The following MAGI2 variants were observed in gnomAD, a reference collection of about 807,000 sequenced individuals.
The protein encoded by MAGI2 is membrane-associated guanylate kinase, WW and PDZ domain-containing protein 2.
Under a neutral mutation model 133.3 loss-of-function variants are expected in MAGI2, and 35 were observed. That is an observed-to-expected ratio of 0.26 (90% CI 0.20 to 0.35). MAGI2 has a LOEUF of 0.35. MAGI2 is among the 10% of genes least tolerant of loss of function. The probability of loss-of-function intolerance (pLI) is 1.00; values close to 1 mark genes in which losing one functional copy is unlikely to be tolerated. For synonymous variants in MAGI2, 729 were observed against 710.6 expected, an observed-to-expected ratio of 1.03 and a Z score of -0.41; for missense variants, 1,636 against 1,863.4, an observed-to-expected ratio of 0.88 and a Z score of 2.25.
At chr7:78,527,245 C>T (rs1379448885) in intron 3 of MAGI2, among the ~76,000 whole-genome samples, 1 of 152,094 alleles carries the variant, frequency 6.6e-6, no homozygotes, top group Non-Finnish European at 1.5e-5. Context: ...CATTTTTAGG[C>T]AGACCTGTCC....
At chr7:78,204,289 C>T (rs1829532433) in intron 10 of MAGI2, among the ~76,000 whole-genome samples, 1 of 152,170 alleles carries the variant, frequency 6.6e-6, no homozygotes, top group African/African-American at 2.4e-5. Context: ...TTCCCCTCAT[C>T]ACCCAGAAAC....
At chr7:78,756,428 A>AT (rs570104184) in intron 2 of MAGI2, among the ~76,000 whole-genome samples, 89 of 151,568 alleles carry the variant, frequency 5.9e-4, no homozygotes, top group African/African-American at 1.1e-3. Flanking sequence ...ATATTTAGTT[A>AT]TTTTTTTTTC....
chr7:79,066,159 T>C (rs373531073), intron 1 of MAGI2, among the ~76,000 whole-genome samples: 1 of 152,190 alleles, frequency 6.6e-6, no homozygotes, highest in Non-Finnish European at 1.5e-5. Flanking sequence ...ATGGTTGAAC[T>C]AATTTACACT....
At chr7:78,709,443 A>G (rs574560438) in intron 2 of MAGI2, among the ~76,000 whole-genome samples, 4 of 152,136 alleles carry the variant, frequency 2.6e-5, no homozygotes, top group South Asian at 2.1e-4. Flanking sequence ...CTGTGATTTC[A>G]TCTTTGGTAG....
chr7:78,875,590 CAAAG>C (rs1290618531), intron 2 of MAGI2, among the ~76,000 whole-genome samples: 2 of 151,976 alleles, frequency 1.3e-5, no homozygotes, highest in African/African-American at 4.8e-5. Context: ...TCAGAACAAA[CAAAG>C]AAACAAATAA....
chr7:78,590,584 A>G lies in MAGI2; in HGVS notation c.538+36536T>C, dbSNP rs146156408. On this transcript the variant is annotated intron_variant, in intron 3 of 21. Coordinates refer to ENST00000354212, the MANE Select transcript of MAGI2 (RefSeq NM_012301.4). Reference sequence around the variant, plus strand: ...AGTACACCTAAAAATCAATGCTCCTATTGCTTATCATGGTTGGTTTTCCTT... The same window carrying G: ...AGTACACCTAAAAATCAATGCTCCTGTTGCTTATCATGGTTGGTTTTCCTT... Among the ~76,000 whole-genome samples, 299 of 152,350 alleles carry G rather than the reference A, an allele frequency of 2.0e-3. 1 individual carries two copies. Among genetic ancestry groups the G allele is most frequent in the Middle Eastern group, 0.014 (4 of 294 alleles).
At chr7:78,126,477 G>GATAT (rs1820994771) in intron 19 of MAGI2, among the ~76,000 whole-genome samples, 2 of 152,082 alleles carry the variant, frequency 1.3e-5, no homozygotes, top group Non-Finnish European at 2.9e-5. Flanking sequence ...TTTATATCTT[G>GATAT]GTATGTAGTT....
intron 2 of MAGI2, among the ~76,000 whole-genome samples, chr7:78,904,637 G>A (rs2151600409): frequency 6.6e-6 from 1 of 150,926 alleles, no homozygotes; most frequent in Non-Finnish European, 1.5e-5. Flanking sequence ...ACTACACCTG[G>A]GACTACAGAC....
chr7:78,017,334 C>T lies in MAGI2; in HGVS notation c.*1981G>A, dbSNP rs1348396005. On this transcript the variant is annotated 3_prime_UTR_variant, in exon 22 of 22. Transcript: ENST00000354212. ...GTCTTCACAGGTTATGGATTACAGC[C>T]GCATAAAGCAATTACTGCACAAGTA... is the stretch of plus-strand genomic sequence containing the variant. 1 of 152,592 alleles carries T rather than the reference C, an allele frequency of 6.6e-6. No homozygotes were observed. The highest frequency in any genetic ancestry group is 2.4e-5 in the African/African-American group (1 of 41,436). The allele number at this position is 152,592 out of a possible 1,614,324, so 9.5% of individuals were successfully genotyped here.
chr7:78,847,670 C>T (rs370870361), intron 2 of MAGI2, among the ~76,000 whole-genome samples: 89 of 152,106 alleles, frequency 5.9e-4, no homozygotes, highest in African/African-American at 2.0e-3. Context: ...TATCTGTGAT[C>T]TTATCTATCT....
At chr7:78,259,033 G>A (rs944659872) in intron 9 of MAGI2, among the ~76,000 whole-genome samples, 4 of 152,098 alleles carry the variant, frequency 2.6e-5, no homozygotes, top group African/African-American at 9.7e-5. Flanking sequence ...ATCTGACACA[G>A]TACTTCGTAT....
intron 6 of MAGI2, among the ~76,000 whole-genome samples, chr7:78,445,391 T>C (rs1788032275): frequency 6.6e-6 from 1 of 152,122 alleles, no homozygotes. Context: ...GATCCATCTT[T>C]TGGCTGGCTG....
chr7:79,386,513 CTTAG>C (rs922522199), intron 1 of MAGI2, among the ~76,000 whole-genome samples: 3 of 151,934 alleles, frequency 2.0e-5, no homozygotes, highest in Non-Finnish European at 2.9e-5. Context: ...AATATTGATA[CTTAG>C]TTACTCTTCT....
intron 3 of MAGI2, among the ~76,000 whole-genome samples, chr7:78,607,973 C>T (rs1806006013): frequency 6.6e-6 from 1 of 152,176 alleles, no homozygotes; most frequent in African/African-American, 2.4e-5. Flanking sequence ...TAAAACAGTT[C>T]CATGTTGGCT....
rs1055419639 is a variant in MAGI2, at chr7:78,480,094, A to G, written c.1045+9667T>C. ...GTTTCTAATTCACCAACTTGGAAGC[A>G]ATGAACCAATTCCTATAAAACTATA... On this transcript the variant is annotated intron_variant, in intron 6 of 21. Transcript: ENST00000354212. Among the ~76,000 whole-genome samples, 6 of 152,058 alleles carry G rather than the reference A, an allele frequency of 3.9e-5. No homozygotes were observed. In the South Asian group the frequency reaches 8.3e-4, roughly 21 times the overall value.
At chr7:78,546,021 A>T (rs1458394262) in intron 3 of MAGI2, among the ~76,000 whole-genome samples, 1 of 152,202 alleles carries the variant, frequency 6.6e-6, no homozygotes, top group South Asian at 2.1e-4. Context: ...CCCTATTCAA[A>T]TTATCTAAAA....
intron 1 of MAGI2, among the ~76,000 whole-genome samples, chr7:79,109,038 C>G (rs777923512): frequency 6.6e-6 from 1 of 152,186 alleles, no homozygotes; most frequent in Non-Finnish European, 1.5e-5. Context: ...CCTGCAGAAC[C>G]ATGAGCCAAT....
At chr7:79,038,952 T>C (rs1390520753) in intron 1 of MAGI2, among the ~76,000 whole-genome samples, 1 of 152,330 alleles carries the variant, frequency 6.6e-6, no homozygotes, top group East Asian at 1.9e-4. Flanking sequence ...TATAAACAAT[T>C]TACTCCATTA....
At position 78,019,151 on chromosome 7, in the gene MAGI2, C is replaced by T. The variant is rs140181408; in HGVS notation, c.*164G>A. ...TTAGGTCTGCGCGTTGATGCGATGC[C>T]GCCCAAGCACACCGGACACGTGGGA... On this transcript the variant is annotated 3_prime_UTR_variant, in exon 22 of 22. Transcript: ENST00000354212. 3 of 795,952 alleles carry T rather than the reference C, an allele frequency of 3.8e-6. No homozygotes were observed. Among genetic ancestry groups the T allele is most frequent in the Non-Finnish European group, 1.9e-6 (1 of 515,064 alleles). 49.3% of individuals were successfully genotyped at this position (795,952 alleles called of 1,614,324 possible).
Sources: gnomAD v4.1 joint callset for allele counts (sites outside exome capture counted in the v4.1 genomes callset) on GRCh38, gnomAD v4.1.1 for gene constraint, MANE v1.5 for transcripts, NCBI Gene and HGNC (gene_info 2026-07-23, HGNC 2026-07-21) for gene names.